The following EVA1C variants were observed in gnomAD, a reference collection of about 807,000 sequenced individuals.
EVA1C encodes protein eva-1 homolog C.
In EVA1C, 25 loss-of-function variants were observed where a neutral mutation model predicts 45.4. The ratio of observed to expected loss-of-function variants is 0.55; its 90% CI spans 0.40 to 0.77. EVA1C has a LOEUF of 0.77. Ranked by LOEUF, EVA1C falls within the 30% of genes least tolerant of loss-of-function variation. The pLI, the probability that EVA1C is intolerant of heterozygous loss-of-function variation, is 0.00. For synonymous variants in EVA1C, 190 were observed against 221.2 expected, an observed-to-expected ratio of 0.86 and a Z score of 1.25; for missense variants, 479 against 554.8, an observed-to-expected ratio of 0.86 and a Z score of 1.37.
chr21:32,416,108 C>T (rs1268477098), intron 1 of EVA1C, among the ~76,000 whole-genome samples: 2 of 112,186 alleles, frequency 1.8e-5, no homozygotes, highest in African/African-American at 7.1e-5. Flanking sequence ...GAGTAGCAGC[C>T]ATAAAAAGCA....
upstream of EVA1C, among the ~76,000 whole-genome samples, chr21:32,411,768 G>A (rs2033835050): frequency 6.6e-6 from 1 of 152,182 alleles, no homozygotes; most frequent in South Asian, 2.1e-4. Flanking sequence ...CGCCGGCCCC[G>A]CGCGATCCAT....
chr21:32,449,843 G>A (rs1311421282), intron 1 of EVA1C, among the ~76,000 whole-genome samples: 4 of 151,876 alleles, frequency 2.6e-5, no homozygotes, highest in Non-Finnish European at 4.4e-5. Flanking sequence ...GGCTGGTCTC[G>A]AACCCCTGAC....
In EVA1C at chr21:32,446,768, C is replaced by A. The variant is rs529269577; in HGVS notation, c.161-6544C>A. Among the ~76,000 whole-genome samples, 52 of 152,342 alleles carry A rather than the reference C, an allele frequency of 3.4e-4. No homozygotes were observed. The South Asian group carries it at 0.01, about 30-fold the overall frequency. ...CTGGTCCACAGGGCATCTTCACTCT[C>A]AGTCCTGGCATCCTTGTTTCCAGCA... On this transcript the variant is annotated intron_variant, in intron 1 of 7. Coordinates refer to ENST00000300255, the MANE Select transcript of EVA1C (RefSeq NM_058187.5).
chr21:32,503,832 C>G (rs532465509), intron 6 of EVA1C, 94 bp from the exon 7 acceptor site: 2 of 739,168 alleles, frequency 2.7e-6, no homozygotes, highest in Non-Finnish European at 4.4e-6. Flanking sequence ...TTAATTATTC[C>G]GGCGGTCCCT....
At chr21:32,419,205 A>G (rs2034165795) in intron 1 of EVA1C, among the ~76,000 whole-genome samples, 1 of 152,114 alleles carries the variant, frequency 6.6e-6, no homozygotes, top group South Asian at 2.1e-4. Context: ...AGTTAAAAAA[A>G]TTTGGAGGTC....
intron 4 of EVA1C, among the ~76,000 whole-genome samples, chr21:32,488,830 C>T (rs1260080873): frequency 6.7e-6 from 1 of 150,328 alleles, no homozygotes; most frequent in African/African-American, 2.5e-5. Context: ...AGGTGATCCG[C>T]CCACCTTGGC....
chr21:32,499,708 C>A (rs1358763541), intron 5 of EVA1C, among the ~76,000 whole-genome samples: 4 of 152,232 alleles, frequency 2.6e-5, no homozygotes, highest in Non-Finnish European at 4.4e-5. Flanking sequence ...GTTGCTACTT[C>A]TCTGAGATCT....
intron 1 of EVA1C, among the ~76,000 whole-genome samples, chr21:32,423,923 G>A (rs2146124704): frequency 6.6e-6 from 1 of 152,260 alleles, no homozygotes; most frequent in South Asian, 2.1e-4. Flanking sequence ...CACCTCATCT[G>A]GGGCTGGAGG....
chr21:32,463,709 C>T (rs1415787310), intron 3 of EVA1C, among the ~76,000 whole-genome samples: 2 of 150,730 alleles, frequency 1.3e-5, no homozygotes, highest in East Asian at 2.0e-4. Flanking sequence ...CTAATAAATG[C>T]GTTTCATGAC....
At chr21:32,488,130 G>T (rs1281315634) in intron 4 of EVA1C, among the ~76,000 whole-genome samples, 1 of 151,994 alleles carries the variant, frequency 6.6e-6, no homozygotes, top group Non-Finnish European at 1.5e-5. Context: ...TCTGATAAGG[G>T]GTTAATATTC....
In EVA1C at chr21:32,515,358, C is replaced by A. The variant is rs568417225; in HGVS notation, c.*168C>A. The A allele has an allele frequency of 1.7e-5, 10 of 584,646 alleles. No individual in the cohort carries two copies. In the East Asian group the frequency reaches 2.9e-4, roughly 17 times the overall value. The allele number at this position is 584,646 out of a possible 1,614,324, so 36.2% of individuals were successfully genotyped here. On this transcript the variant is annotated 3_prime_UTR_variant, in exon 8 of 8. Coordinates refer to ENST00000300255, the MANE Select transcript of EVA1C (RefSeq NM_058187.5). ...GGGATGTTTCAAGCTGTTTCTAGCA[C>A]ATTCCAAAATAAATGAGGAGGGAAG...
At chr21:32,468,992 A>G (rs73353048) in intron 4 of EVA1C, among the ~76,000 whole-genome samples, 1,842 of 152,306 alleles carry the variant, frequency 0.012, 31 homozygotes, top group Admixed American at 0.038. Flanking sequence ...GGGAAAGTCA[A>G]GGGCAGGGAG....
intron 5 of EVA1C, among the ~76,000 whole-genome samples, chr21:32,495,933 G>A (rs1005680896): frequency 3.3e-5 from 5 of 152,144 alleles, no homozygotes; most frequent in African/African-American, 9.7e-5. Context: ...CTTGGAAATC[G>A]CTTTTTCCCC....
Position 32,467,727 on chromosome 21 carries a change from C to T in EVA1C, c.513C>T (p.Asp171=). ...TAAAAAACAAAACCGTGTGTGAAGA[C>T]CAGGAGCTGAAACTGCACTGCCATG... ...NELKNKTVCE[D]QELKLHCHES... The change falls in exon 4 of 8, where the codon GAC becomes GAT. Residue 171 remains aspartate (D), a synonymous_variant. Coordinates refer to ENST00000300255, the MANE Select transcript of EVA1C (RefSeq NM_058187.5). 2 of 1,610,234 alleles carry T rather than the reference C, an allele frequency of 1.2e-6. No individual in the cohort carries two copies. Among genetic ancestry groups the T allele is most frequent in the Non-Finnish European group, 1.7e-6 (2 of 1,178,520 alleles).
At chr21:32,489,870 C>T (rs1165807111) in intron 4 of EVA1C, among the ~76,000 whole-genome samples, 4 of 152,144 alleles carry the variant, frequency 2.6e-5, no homozygotes, top group South Asian at 2.1e-4. Context: ...AATGGGATCT[C>T]GGCTCACCGC....
At chr21:32,457,831 AACAG>A (rs776707013) in intron 3 of EVA1C, 111 bp downstream of exon 3, 28 of 1,256,032 alleles carry the variant, frequency 2.2e-5, no homozygotes, top group Non-Finnish European at 2.9e-5. Flanking sequence ...GAAACTCATT[AACAG>A]ACACATTGGG....
intron 1 of EVA1C, among the ~76,000 whole-genome samples, chr21:32,450,728 G>T (rs1469148815): frequency 6.6e-6 from 1 of 152,070 alleles, no homozygotes; most frequent in Non-Finnish European, 1.5e-5. Flanking sequence ...TTTTATGAGG[G>T]CCTGCCTGTG....
intron 4 of EVA1C, among the ~76,000 whole-genome samples, chr21:32,478,041 G>C (rs1295336731): frequency 6.8e-6 from 1 of 146,850 alleles, no homozygotes; most frequent in African/African-American, 2.5e-5. Context: ...TTCACGGTGG[G>C]AGGAGGCTGC....
intron 4 of EVA1C, among the ~76,000 whole-genome samples, chr21:32,481,983 C>T (rs1190557812): frequency 6.6e-6 from 1 of 152,144 alleles, no homozygotes; most frequent in African/African-American, 2.4e-5. Context: ...AAGGCCTTTT[C>T]CTAAAGTACC....
Sources: allele counts gnomAD v4.1 joint callset (sites outside exome capture counted in the v4.1 genomes callset), GRCh38; gene constraint gnomAD v4.1.1; transcripts MANE v1.5; gene names NCBI Gene and HGNC (gene_info 2026-07-23, HGNC 2026-07-21).